SNF8: variants seen among roughly 807,000 people sequenced by gnomAD.
The protein encoded by SNF8 is SNF8 subunit of ESCRT-II, also known as vacuolar-sorting protein SNF8.
SNF8 carries 19 observed loss-of-function variants against 36.8 expected under a neutral mutation model. That is an observed-to-expected ratio of 0.52 (90% CI 0.36 to 0.76). SNF8 has a LOEUF of 0.76. Among genes scored for constraint, SNF8 ranks in the 30% least tolerant of loss-of-function variants. The pLI is 0.00. For missense variants in SNF8, 268 were observed against 322.9 expected, an observed-to-expected ratio of 0.83 and a Z score of 1.30; for synonymous variants, 127 against 127.4, an observed-to-expected ratio of 1.00 and a Z score of 0.02.
intron 7 of SNF8, 53 bp from the exon 8 acceptor site, chr17:48,930,665 A>G: frequency 6.3e-7 from 1 of 1,576,938 alleles, no homozygotes; most frequent in Non-Finnish European, 8.6e-7. Flanking sequence ...TTCCATAGAC[A>G]AAGGGTAGGT....
intron 3 of SNF8, among the ~76,000 whole-genome samples, chr17:48,940,072 CAAAAAA>C (rs34067220): frequency 4.4e-5 from 4 of 91,416 alleles, no homozygotes; most frequent in Admixed American, 1.3e-4. Flanking sequence ...AAGACTGTCT[CAAAAAA>C]AAAAAAAAAA....
intron 3 of SNF8, among the ~76,000 whole-genome samples, chr17:48,940,718 A>T (rs2041009167): frequency 6.6e-6 from 1 of 152,078 alleles, no homozygotes; most frequent in Non-Finnish European, 1.5e-5. Flanking sequence ...TGAACCCGGG[A>T]GGCAGAGCTT....
chr17:48,938,687 C>T (rs780582236), intron 3 of SNF8, among the ~76,000 whole-genome samples: 19 of 150,464 alleles, frequency 1.3e-4, no homozygotes, highest in Non-Finnish European at 2.4e-4. Context: ...GGCTAACATG[C>T]TGAAACCCTG....
At chr17:48,944,639 C>A (rs2143825460) in intron 1 of SNF8, 42 bp downstream of exon 1, 2 of 1,599,996 alleles carry the variant, frequency 1.3e-6, no homozygotes, top group East Asian at 2.3e-5. Context: ...CAGTCTCGCA[C>A]GGGTCAGGGG....
At position 48,930,267 on chromosome 17, in the gene SNF8, CTG is replaced by C. The variant is rs2040837236; in HGVS notation, c.*206_*207del. On this transcript the variant is annotated 3_prime_UTR_variant, in exon 8 of 8. Coordinates refer to ENST00000502492, the MANE Select transcript of SNF8 (RefSeq NM_007241.4). ...TCATTTTATATGTGCTTGCCGTTCT[CTG>C]TGTTAATCAGATTATGCTTACTGAA... The C allele has an allele frequency of 2.2e-6, 1 of 456,304 alleles. No individual in the cohort carries two copies. The highest frequency in any genetic ancestry group is 3.8e-6 in the Non-Finnish European group (1 of 262,300). The allele number at this position is 456,304 out of a possible 1,614,324, so 28.3% of individuals were successfully genotyped here.
In SNF8 at chr17:48,944,579, A is replaced by T. The variant is rs2041076661; in HGVS notation, c.54+102T>A. The T allele has an allele frequency of 5.4e-6, 7 of 1,299,712 alleles. No individual in the cohort carries two copies. In the Admixed American group the frequency reaches 1.2e-4, roughly 23 times the overall value. 80.5% of individuals were successfully genotyped at this position (1,299,712 alleles called of 1,614,324 possible). A position where few individuals can be genotyped will look rare whatever the true frequency, so the allele number is the denominator to read the frequency against. On this transcript the variant is annotated intron_variant, in intron 1 of 7. Coordinates refer to ENST00000502492, the MANE Select transcript of SNF8 (RefSeq NM_007241.4). ...GTCCCGGGGCCGAGAAGCCAGTCTC[A>T]GATTCTGTTGGGAGGTGATTAACGG...
At chr17:48,944,250 C>A (rs2041072250) in intron 1 of SNF8, 2 of 443,244 alleles carry the variant, frequency 4.5e-6, no homozygotes, top group Non-Finnish European at 8.3e-6. Flanking sequence ...TGCAGTGAGC[C>A]GAGATCGCGC....
At chr17:48,937,626 CTCT>C in intron 3 of SNF8, among the ~76,000 whole-genome samples, 1 of 107,088 alleles carries the variant, frequency 9.3e-6, no homozygotes, top group Admixed American at 9.5e-5. Flanking sequence ...GCACAACTCT[CTCT>C]CAAAAAAAAA....
chr17:48,931,427 G>A (rs1004958265), intron 7 of SNF8, among the ~76,000 whole-genome samples: 1 of 152,180 alleles, frequency 6.6e-6, no homozygotes, highest in Non-Finnish European at 1.5e-5. Flanking sequence ...GGGGCAGCCT[G>A]GTATTGTGTG....
At chr17:48,934,097 T>C (rs1249256704) in intron 5 of SNF8, among the ~76,000 whole-genome samples, 1 of 152,190 alleles carries the variant, frequency 6.6e-6, no homozygotes, top group African/African-American at 2.4e-5. Context: ...TACAAAACAG[T>C]GTGTAGATCA....
chr17:48,936,835 G>A (rs1000938767), intron 4 of SNF8, 185 bp downstream of exon 4: 21 of 624,354 alleles, frequency 3.4e-5, no homozygotes, highest in African/African-American at 1.7e-4. Flanking sequence ...AGAGACAATC[G>A]TTCAGGTAAT....
At chr17:48,943,863 A>G in intron 2 of SNF8, 62 bp downstream of exon 2, 5 of 1,415,358 alleles carry the variant, frequency 3.5e-6, no homozygotes, top group South Asian at 3.4e-5. Flanking sequence ...TTCGTATCCA[A>G]GGTGTCTTGG....
At chr17:48,943,676 G>A (rs2143822828) in intron 2 of SNF8, among the ~76,000 whole-genome samples, 1 of 152,260 alleles carries the variant, frequency 6.6e-6, no homozygotes, top group Non-Finnish European at 1.5e-5. Flanking sequence ...CTGTAATGAG[G>A]ATTGAACAAG....
rs773036673 is a variant in SNF8 at position 48,931,755 on chromosome 17, G to A, written c.565-38C>T. 14 of 1,536,372 alleles carry A rather than the reference G, an allele frequency of 9.1e-6. No individual in the cohort carries two copies. In the South Asian group the frequency reaches 1.4e-4, roughly 15 times the overall value. On this transcript the variant is annotated intron_variant, in intron 6 of 7. Coordinates refer to ENST00000502492, the MANE Select transcript of SNF8 (RefSeq NM_007241.4). ...GGAATGGGGATTGAATCAGTTAAGA[G>A]TGCACCTTCCCTTAGAACCCAGGAT...
At chr17:48,942,881 T>G in intron 2 of SNF8, among the ~76,000 whole-genome samples, 1 of 136,312 alleles carries the variant, frequency 7.3e-6, no homozygotes, top group Non-Finnish European at 1.6e-5. Context: ...TTTGCTTTTT[T>G]TTGAGATGGA....
rs2040827573 is a variant in SNF8 at position 48,929,622 on chromosome 17, C to T, written c.*853G>A. On this transcript the variant is annotated 3_prime_UTR_variant, in exon 8 of 8. Coordinates refer to ENST00000502492, the MANE Select transcript of SNF8 (RefSeq NM_007241.4). ...AAATGTCTACACACAGTATGTGCTG[C>T]CATTCTGTACTATGCAGTGATACAT... The T allele has an allele frequency of 6.6e-6, 1 of 152,156 alleles. No homozygotes were observed. The highest frequency in any genetic ancestry group is 2.4e-5 in the African/African-American group (1 of 41,410). The allele number at this position is 152,156 out of a possible 1,614,324, so 9.4% of individuals were successfully genotyped here. A position where few individuals can be genotyped will look rare whatever the true frequency, so the allele number is the denominator to read the frequency against.
chr17:48,939,237 C>A (rs1484163852), intron 3 of SNF8, among the ~76,000 whole-genome samples: 1 of 145,652 alleles, frequency 6.9e-6, no homozygotes, highest in Non-Finnish European at 1.5e-5. Flanking sequence ...AGTACTCCAG[C>A]ATGGGCAACA....
intron 5 of SNF8, 150 bp downstream of exon 5, chr17:48,936,016 TTTTG>T (rs1427691648): frequency 3.7e-6 from 2 of 543,554 alleles, no homozygotes; most frequent in Non-Finnish European, 6.4e-6. Flanking sequence ...ATCTCTTATT[TTTTG>T]TTTGTTTTTT....
rs2040842943 is a variant in SNF8, at chr17:48,930,553, G to GT, written c.698dup (p.His233GlnfsTer10). ...CAGTGAAGAGAGCTGGCAGCCAGTA[G>GT]TGGGCCTCCCCTGGGGCCTGTAAGT... On this transcript the variant is annotated frameshift_variant, in exon 8 of 8. Transcript: ENST00000502492. LOFTEE classifies it high-confidence loss of function. The GT allele has an allele frequency of 6.2e-7, 1 of 1,613,484 alleles. No individual in the cohort carries two copies. Among genetic ancestry groups the GT allele is most frequent in the South Asian group, 1.1e-5 (1 of 91,048 alleles).
Sources: gnomAD v4.1 joint callset for allele counts (sites outside exome capture counted in the v4.1 genomes callset) on GRCh38, gnomAD v4.1.1 for gene constraint, MANE v1.5 for transcripts, NCBI Gene and HGNC (gene_info 2026-07-23, HGNC 2026-07-21) for gene names.